ADCYAP1R1: variants seen among roughly 807,000 people sequenced by gnomAD.
ADCYAP1R1 encodes pituitary adenylate cyclase-activating polypeptide type I receptor.
ADCYAP1R1 carries 44 observed loss-of-function variants against 67.6 expected under a neutral mutation model. The ratio of observed to expected loss-of-function variants is 0.65; its 90% CI spans 0.51 to 0.84. The LOEUF (loss-of-function observed/expected upper bound fraction) is 0.84, where lower values mean the gene tolerates loss of function less well. Among genes scored for constraint, ADCYAP1R1 ranks in the 40% least tolerant of loss-of-function variants. The pLI is 0.00. For missense variants in ADCYAP1R1, 477 were observed against 587.9 expected (o/e 0.81, Z 1.95); for synonymous variants, 222 against 219.6 (o/e 1.01, Z -0.10).
chr7:31,070,432 T>C (rs1794924537), intron 3 of ADCYAP1R1, among the ~76,000 whole-genome samples: 1 of 152,154 alleles, frequency 6.6e-6, no homozygotes, highest in Non-Finnish European at 1.5e-5. Flanking sequence ...GGCCTGCTCA[T>C]TGCTATTCTG....
chr7:31,099,461 G>A (rs1198894306), intron 13 of ADCYAP1R1, among the ~76,000 whole-genome samples: 3 of 152,216 alleles, frequency 2.0e-5, no homozygotes, highest in African/African-American at 7.2e-5. Flanking sequence ...CCACATATGG[G>A]TAGTGGCTAT....
intron 1 of ADCYAP1R1, among the ~76,000 whole-genome samples, chr7:31,059,891 C>T (rs1794420299): frequency 6.6e-6 from 1 of 151,064 alleles, no homozygotes; most frequent in Non-Finnish European, 1.5e-5. Flanking sequence ...TCTCTCTCTC[C>T]TCCTCTTTGC....
At chr7:31,056,259 G>C (rs1280984654) in intron 1 of ADCYAP1R1, among the ~76,000 whole-genome samples, 2 of 152,178 alleles carry the variant, frequency 1.3e-5, no homozygotes, top group Non-Finnish European at 2.9e-5. Flanking sequence ...GGTGGTGGGG[G>C]TTTGAGTTGG....
intron 13 of ADCYAP1R1, chr7:31,095,701 C>T (rs936098246): frequency 1.3e-5 from 9 of 717,954 alleles, no homozygotes; most frequent in South Asian, 4.4e-5. Flanking sequence ...CAAGAAAGCC[C>T]GAGAGGACCC....
intron 3 of ADCYAP1R1, among the ~76,000 whole-genome samples, chr7:31,076,595 G>A (rs892691641): frequency 6.6e-6 from 1 of 152,280 alleles, no homozygotes; most frequent in East Asian, 1.9e-4. Flanking sequence ...AGATGCTGTG[G>A]GGGGCCTCTG....
chr7:31,100,558 T>C (rs879015404), intron 13 of ADCYAP1R1, among the ~76,000 whole-genome samples: 2 of 152,150 alleles, frequency 1.3e-5, no homozygotes, highest in Admixed American at 6.5e-5. Flanking sequence ...TCCAAGAGTC[T>C]TAGAGCCTGA....
At chr7:31,070,731 TG>T (rs1794936730) in intron 3 of ADCYAP1R1, among the ~76,000 whole-genome samples, 1 of 152,242 alleles carries the variant, frequency 6.6e-6, no homozygotes, top group Non-Finnish European at 1.5e-5. Context: ...TCGTGAAGTC[TG>T]GTCATTCTAA....
At chr7:31,082,747 T>C (rs1252641838) in intron 6 of ADCYAP1R1, among the ~76,000 whole-genome samples, 1 of 152,244 alleles carries the variant, frequency 6.6e-6, no homozygotes, top group Non-Finnish European at 1.5e-5. Context: ...TTGCTCTCTC[T>C]GGGCTTGCCA....
intron 15 of ADCYAP1R1, 67 bp downstream of exon 15, chr7:31,104,976 C>A (rs531746521): frequency 4.4e-5 from 67 of 1,519,996 alleles, no homozygotes; most frequent in Non-Finnish European, 5.5e-5. Context: ...GACAGGGGAA[C>A]CACCTGTTGG....
chr7:31,078,542 C>T (rs527995986), intron 4 of ADCYAP1R1, among the ~76,000 whole-genome samples: 4 of 152,338 alleles, frequency 2.6e-5, no homozygotes, highest in Admixed American at 2.0e-4. Flanking sequence ...AGATCCTCAG[C>T]GCCCAGTGGG....
intron 4 of ADCYAP1R1, among the ~76,000 whole-genome samples, chr7:31,078,421 G>A (rs75770571): frequency 0.013 from 1,983 of 152,336 alleles, 24 homozygotes; most frequent in Non-Finnish European, 0.019. Context: ...GCTTCTGTGA[G>A]GGTAATGTGA....
chr7:31,087,900 C>T (rs1408016087), intron 12 of ADCYAP1R1, among the ~76,000 whole-genome samples: 2 of 152,050 alleles, frequency 1.3e-5, no homozygotes, highest in Non-Finnish European at 2.9e-5. Flanking sequence ...TTCCTTATTA[C>T]AAAAAATAGA....
chr7:31,062,328 C>T (rs1794541226), intron 1 of ADCYAP1R1, among the ~76,000 whole-genome samples: 2 of 152,170 alleles, frequency 1.3e-5, no homozygotes, highest in Non-Finnish European at 1.5e-5. Flanking sequence ...CCTTGGAGCT[C>T]CTGCAGCTCT....
chr7:31,099,217 A>G (rs960678148), intron 13 of ADCYAP1R1, among the ~76,000 whole-genome samples: 3 of 152,212 alleles, frequency 2.0e-5, no homozygotes, highest in Non-Finnish European at 4.4e-5. Context: ...TCTGCAAGCC[A>G]TGGGGCAGTG....
At chr7:31,093,750 A>G (rs1796067287) in intron 13 of ADCYAP1R1, among the ~76,000 whole-genome samples, 1 of 152,050 alleles carries the variant, frequency 6.6e-6, no homozygotes. Flanking sequence ...TGGGTGCCTC[A>G]TTGGGTCCAT....
At chr7:31,081,831 C>A in intron 6 of ADCYAP1R1, 77 bp downstream of exon 6, 2 of 1,275,048 alleles carry the variant, frequency 1.6e-6, no homozygotes, top group Non-Finnish European at 1.1e-6. Context: ...TTGAGAACCC[C>A]ATCCCAGGCT....
intron 6 of ADCYAP1R1, among the ~76,000 whole-genome samples, chr7:31,082,304 C>T (rs932623712): frequency 6.6e-6 from 1 of 152,088 alleles, no homozygotes. Flanking sequence ...ACAATGACCG[C>T]GGGGTTTTGA....
In ADCYAP1R1 at chr7:31,084,802, C is replaced by T. The variant is rs953264240; in HGVS notation, c.504C>T (p.Leu168=). ...TVGYSTSLVT[L]TTAMVILCRF... ...GCTACAGCACATCCCTCGTCACCCT[C>T]ACCACTGCCATGGTCATCCTTTGTC... The change falls in exon 8 of 16, where the codon CTC becomes CTT. Residue 168 remains leucine (L), a synonymous_variant. Coordinates refer to ENST00000304166, the MANE Select transcript of ADCYAP1R1 (RefSeq NM_001118.5). The T allele has an allele frequency of 1.8e-5, 29 of 1,614,030 alleles. No homozygotes were observed. Among genetic ancestry groups the T allele is most frequent in the Non-Finnish European group, 2.3e-5 (27 of 1,180,012 alleles).
At chr7:31,089,828 T>A (rs1239972086) in intron 12 of ADCYAP1R1, among the ~76,000 whole-genome samples, 1 of 152,234 alleles carries the variant, frequency 6.6e-6, no homozygotes, top group East Asian at 1.9e-4. Flanking sequence ...TGGGGGTGCA[T>A]TTCTGGGATA....
Sources: allele counts gnomAD v4.1 joint callset (sites outside exome capture counted in the v4.1 genomes callset), GRCh38; gene constraint gnomAD v4.1.1; transcripts MANE v1.5; gene names NCBI Gene and HGNC (gene_info 2026-07-23, HGNC 2026-07-21).